Variants in SLC8A1 observed in about 807,000 individuals in gnomAD.
SLC8A1 encodes the protein sodium/calcium exchanger 1.
SLC8A1 carries 18 observed loss-of-function variants against 68.3 expected under a neutral mutation model. The ratio of observed to expected loss-of-function variants is 0.26; its 90% CI spans 0.18 to 0.39. The LOEUF (loss-of-function observed/expected upper bound fraction) is 0.39. Among genes scored for constraint, SLC8A1 ranks in the 10% least tolerant of loss-of-function variants. The pLI is 1.00. For missense variants in SLC8A1, 985 were observed against 1,156.7 expected, an observed-to-expected ratio of 0.85 and a Z score of 2.15; for synonymous variants, 475 against 415.5, an observed-to-expected ratio of 1.14 and a Z score of -1.74.
chr2:40,132,766 T>C (rs186927606), intron 7 of SLC8A1, among the ~76,000 whole-genome samples: 1 of 112,812 alleles, frequency 8.9e-6, no homozygotes, highest in Non-Finnish European at 1.9e-5. Flanking sequence ...TCAAAAAAAA[T>C]AAAGGTTGAA....
intron 2 of SLC8A1, among the ~76,000 whole-genome samples, chr2:40,371,893 G>A (rs553705004): frequency 3.9e-5 from 6 of 152,192 alleles, no homozygotes; most frequent in African/African-American, 1.4e-4. Context: ...CAGGTCCCCA[G>A]TTGGTCTCCT....
chr2:40,182,226 C>A (rs1197636156), intron 2 of SLC8A1, among the ~76,000 whole-genome samples: 1 of 152,116 alleles, frequency 6.6e-6, no homozygotes, highest in Non-Finnish European at 1.5e-5. Flanking sequence ...AGTCCTTCAT[C>A]CAAATATAAT....
chr2:40,261,516 C>G (rs1409211107), intron 2 of SLC8A1, among the ~76,000 whole-genome samples: 3 of 152,058 alleles, frequency 2.0e-5, no homozygotes, highest in African/African-American at 7.2e-5. Flanking sequence ...GACTTCAATC[C>G]CAAGGTCTTT....
At chr2:40,487,771 G>C (rs1473637996) in intron 1 of SLC8A1, among the ~76,000 whole-genome samples, 1 of 152,118 alleles carries the variant, frequency 6.6e-6, no homozygotes, top group Non-Finnish European at 1.5e-5. Context: ...CACTCAGACT[G>C]GTTTTCTCAC....
chr2:40,133,991 C>T (rs2148233275), intron 7 of SLC8A1, among the ~76,000 whole-genome samples: 1 of 152,208 alleles, frequency 6.6e-6, no homozygotes, highest in African/African-American at 2.4e-5. Context: ...CCTGTTTTTC[C>T]ATAGAAATAA....
intron 6 of SLC8A1, among the ~76,000 whole-genome samples, chr2:40,152,835 G>A (rs1346519566): frequency 6.6e-6 from 1 of 152,040 alleles, no homozygotes; most frequent in East Asian, 1.9e-4. Flanking sequence ...GGTGGTGCCT[G>A]CCTGTAGTCC....
At chr2:40,194,187 C>T (rs2052470788) in intron 2 of SLC8A1, among the ~76,000 whole-genome samples, 1 of 152,034 alleles carries the variant, frequency 6.6e-6, no homozygotes, top group Admixed American at 6.6e-5. Context: ...TTTTTATCAA[C>T]CGTGAGTAGG....
At chr2:40,435,447 C>T (rs1042042878) in intron 1 of SLC8A1, among the ~76,000 whole-genome samples, 4 of 152,108 alleles carry the variant, frequency 2.6e-5, no homozygotes, top group Non-Finnish European at 4.4e-5. Flanking sequence ...AGACCCTCTA[C>T]TAATACCTAA....
chr2:40,205,284 T>C (rs1204970641), intron 2 of SLC8A1, among the ~76,000 whole-genome samples: 1 of 127,086 alleles, frequency 7.9e-6, no homozygotes, highest in Non-Finnish European at 1.8e-5. Context: ...TTTATAAGTC[T>C]AAAAAGTGCT....
intron 2 of SLC8A1, among the ~76,000 whole-genome samples, chr2:40,413,970 G>T (rs1559581048): frequency 6.6e-6 from 1 of 152,122 alleles, no homozygotes; most frequent in African/African-American, 2.4e-5. Context: ...AATTTGTTGA[G>T]CATCATATTT....
chr2:40,150,519 G>A (rs540260607), intron 6 of SLC8A1, among the ~76,000 whole-genome samples: 2 of 152,282 alleles, frequency 1.3e-5, no homozygotes, highest in African/African-American at 4.8e-5. Context: ...AACTAAAACT[G>A]TATTCACATT....
At chr2:40,479,905 C>T (rs1257093495) in intron 1 of SLC8A1, among the ~76,000 whole-genome samples, 1 of 152,094 alleles carries the variant, frequency 6.6e-6, no homozygotes. Flanking sequence ...TTCCATGGGC[C>T]AGTAATTAAT....
chr2:40,266,104 A>G (rs1186820088), intron 2 of SLC8A1, among the ~76,000 whole-genome samples: 1 of 152,122 alleles, frequency 6.6e-6, no homozygotes, highest in Non-Finnish European at 1.5e-5. Context: ...GAGTTTAAAA[A>G]TTTTCTAGAA....
chr2:40,240,645 A>C (rs954441710), intron 2 of SLC8A1, among the ~76,000 whole-genome samples: 3 of 152,238 alleles, frequency 2.0e-5, no homozygotes, highest in Non-Finnish European at 2.9e-5. Context: ...AAGCCATATA[A>C]ATCTGTACTA....
intron 2 of SLC8A1, among the ~76,000 whole-genome samples, chr2:40,239,826 A>C (rs928816148): frequency 6.6e-6 from 1 of 152,256 alleles, no homozygotes; most frequent in East Asian, 1.9e-4. Context: ...ATAAAATTTC[A>C]GTATCCTCCT....
intron 2 of SLC8A1, among the ~76,000 whole-genome samples, chr2:40,346,537 C>T (rs923109777): frequency 6.6e-6 from 1 of 152,092 alleles, no homozygotes; most frequent in Non-Finnish European, 1.5e-5. Flanking sequence ...TTATTTTGAC[C>T]CTCTCTGGGA....
At chr2:40,463,839 T>TACACACACACACACAC (rs761954909) in intron 1 of SLC8A1, among the ~76,000 whole-genome samples, 3 of 123,390 alleles carry the variant, frequency 2.4e-5, no homozygotes, top group African/African-American at 6.2e-5. Context: ...CACACACACA[T>TACACACACACACACAC]ACACACACAC....
chr2:40,210,128 T>C (rs999484148), intron 2 of SLC8A1: 1 of 151,896 alleles, frequency 6.6e-6, no homozygotes, highest in African/African-American at 2.4e-5. Flanking sequence ...TTGGGGAGGG[T>C]TTAAATTATG....
chr2:40,331,015 T>C (rs2076352991), intron 2 of SLC8A1, among the ~76,000 whole-genome samples: 3 of 152,158 alleles, frequency 2.0e-5, no homozygotes, highest in Admixed American at 2.0e-4. Flanking sequence ...TAAAATCTTA[T>C]GATAGGTTTT....
Sources: gnomAD v4.1 joint callset for allele counts (sites outside exome capture counted in the v4.1 genomes callset) on GRCh38, gnomAD v4.1.1 for gene constraint, MANE v1.5 for transcripts, NCBI Gene and HGNC (gene_info 2026-07-23, HGNC 2026-07-21) for gene names.